Variants in ZNF564 observed in about 807,000 individuals in gnomAD.
The protein encoded by ZNF564 is zinc finger protein 564.
A neutral mutation model predicts 10.5 loss-of-function variants in ZNF564; 5 were observed. The ratio of observed to expected loss-of-function variants is 0.48; its 90% confidence interval spans 0.25 to 1.00. The LOEUF is 1.00. Ranked by LOEUF, ZNF564 falls within the 50% of genes least tolerant of loss-of-function variation. ZNF564 has a pLI of 0.16. For missense variants in ZNF564, 603 were observed against 669.7 expected (o/e 0.90, Z 1.10); for synonymous variants, 242 against 218.1 (o/e 1.11, Z -0.97).
chr19:12,528,672 C>G lies in ZNF564; in HGVS notation c.28G>C (p.Ala10Pro), dbSNP rs188730901. 5 of 1,612,704 alleles carry G rather than the reference C, an allele frequency of 3.1e-6. No homozygotes were observed. The highest frequency in any genetic ancestry group is 1.3e-5 in the African/African-American group (1 of 74,782). The change falls in exon 2 of 4, where the codon GCT (alanine) becomes CCT (proline). Residue 10 changes from alanine to proline, a missense_variant. Ala to Pro is a conservative substitution (Grantham distance 27, BLOSUM62 -1). Transcript: ENST00000339282. MDSVASEDVAVNFTLEEWAL... is the reference protein window; with the variant it reads MDSVASEDVPVNFTLEEWAL... ...CACTCCTCAAGTGTGAAGTTCACAG[C>G]CACATCCTCAGAGGCCACTGAGTCC...
At chr19:12,537,185 C>A (rs909634025) in intron 1 of ZNF564, among the ~76,000 whole-genome samples, 4 of 152,164 alleles carry the variant, frequency 2.6e-5, no homozygotes, top group Admixed American at 2.6e-4. Context: ...GGATATTACA[C>A]ATTTTCTTTA....
chr19:12,551,261 ACAGCCGGTTC>A (rs1285379473), intron 1 of ZNF564, 59 bp downstream of exon 1: 1 of 1,551,458 alleles, frequency 6.4e-7, no homozygotes, highest in African/African-American at 1.4e-5. Context: ...GGGTGCTTCC[ACAGCCGGTTC>A]CGGCCGGTTC....
chr19:12,548,024 TG>T, intron 1 of ZNF564: 1 of 278,786 alleles, frequency 3.6e-6, no homozygotes, highest in Non-Finnish European at 5.4e-6. Context: ...TTGGTCAGGC[TG>T]GTCTCAAACT....
chr19:12,537,881 C>CT (rs1158592830), intron 1 of ZNF564, among the ~76,000 whole-genome samples: 1 of 152,036 alleles, frequency 6.6e-6, no homozygotes, highest in Non-Finnish European at 1.5e-5. Context: ...TTTATTACTT[C>CT]TAAGTGCGTG....
In ZNF564 at chr19:12,526,188, A is replaced by T. The variant is rs1365066404; in HGVS notation, c.*258T>A. On this transcript the variant is annotated 3_prime_UTR_variant, in exon 4 of 4. Transcript: ENST00000339282. ...GTTTAAACTCAAACTCCAAAGTGTC[A>T]TCTCAATATCACATCACTCAGATAT... is the stretch of plus-strand genomic sequence containing the variant. 2.9e-6 allele frequency: 1 copy of T among 349,646 alleles called. No individual in the cohort carries two copies. The highest frequency in any genetic ancestry group is 2.1e-5 in the African/African-American group (1 of 47,522). 21.7% of individuals were successfully genotyped at this position (349,646 alleles called of 1,614,324 possible).
At position 12,528,333 on chromosome 19, in the gene ZNF564, A is replaced by C. The variant is rs1329658999; in HGVS notation, c.162T>G (p.Asp54Glu). 1.2e-6 allele frequency: 2 copies of C among 1,610,958 alleles called. No individual in the cohort carries two copies. Among genetic ancestry groups the C allele is most frequent in the Non-Finnish European group, 8.5e-7 (1 of 1,179,352 alleles). ...GKKWEDQSIE[D>E]WYKNQGRILR... ...AAATTCTCCCCTGATTTTTGTACCA[A>C]TCTTCAATGCTCTGGTCTTCCCATT... The change falls in exon 3 of 4, where the codon GAT becomes GAG. Residue 54 changes from aspartate (D) to glutamate (E), a missense_variant. By Grantham distance (45) the Asp-to-Glu change is conservative. Transcript: ENST00000339282.
intron 1 of ZNF564, 78 bp downstream of exon 1, chr19:12,551,252 G>A (rs1204330375): frequency 2.7e-6 from 4 of 1,506,032 alleles, no homozygotes; most frequent in South Asian, 1.2e-5. Context: ...GGGAGGCCAG[G>A]GTGCTTCCAC....
At chr19:12,543,668 C>A (rs1405798947) in intron 1 of ZNF564, among the ~76,000 whole-genome samples, 9 of 105,294 alleles carry the variant, frequency 8.5e-5, no homozygotes, top group Non-Finnish European at 1.5e-4. Flanking sequence ...AGCGAGACTT[C>A]GTCTCAAAAA....
At position 12,527,853 on chromosome 19, in the gene ZNF564, A is replaced by G; in HGVS notation, c.255T>C (p.Ser85=). 6.2e-7 allele frequency: 1 copy of G among 1,614,004 alleles called. No individual in the cohort carries two copies. The highest frequency in any genetic ancestry group is 8.5e-7 in the Non-Finnish European group (1 of 1,179,914). ...KEYDQCGEAF[S]QILNLNLNKK... Reference sequence around the variant, plus strand: ...TGTTCAGATTAAGATTGAGAATCTGACTGAAGGCTTCTCCACATTGATCAT... The same window carrying G: ...TGTTCAGATTAAGATTGAGAATCTGGCTGAAGGCTTCTCCACATTGATCAT... Residue 85 remains serine, a synonymous_variant, in exon 4 of 4, where the codon AGT becomes AGC. Coordinates refer to ENST00000339282, the MANE Select transcript of ZNF564 (RefSeq NM_144976.4).
intron 1 of ZNF564, among the ~76,000 whole-genome samples, chr19:12,539,075 C>T (rs991765481): frequency 6.9e-6 from 1 of 145,110 alleles, no homozygotes; most frequent in Non-Finnish European, 1.5e-5. Context: ...TAAAAAAATT[C>T]AAAAAAAAAT....
intron 1 of ZNF564, among the ~76,000 whole-genome samples, chr19:12,543,910 T>C (rs1405510718): frequency 6.6e-6 from 1 of 152,014 alleles, no homozygotes; most frequent in African/African-American, 2.4e-5. Context: ...ATTAGCACCT[T>C]TAGAAGAAAT....
chr19:12,528,980 G>A (rs1367467493), intron 1 of ZNF564, among the ~76,000 whole-genome samples: 5 of 152,210 alleles, frequency 3.3e-5, no homozygotes, highest in South Asian at 4.2e-4. Flanking sequence ...CAGGGGAATC[G>A]CTTAAACAAG....
At chr19:12,541,880 T>C (rs2022058105) in intron 1 of ZNF564, among the ~76,000 whole-genome samples, 1 of 151,504 alleles carries the variant, frequency 6.6e-6, no homozygotes, top group Non-Finnish European at 1.5e-5. Context: ...CTGGGCGTAG[T>C]GGCAGGCACC....
At chr19:12,540,624 G>A (rs1279313151) in intron 1 of ZNF564, among the ~76,000 whole-genome samples, 1 of 152,120 alleles carries the variant, frequency 6.6e-6, no homozygotes, top group Non-Finnish European at 1.5e-5. Context: ...GGAGGCCAAG[G>A]CGGGCAGATC....
At chr19:12,543,659 G>T (rs73002312) in intron 1 of ZNF564, among the ~76,000 whole-genome samples, 8,276 of 130,492 alleles carry the variant, frequency 0.063, 280 homozygotes, top group African/African-American at 0.11. Flanking sequence ...GGGCAACAAA[G>T]CGAGACTTCG....
Position 12,551,319 on chromosome 19 carries a change from C to G in ZNF564, c.3+11G>C, listed in dbSNP as rs944902973. On this transcript the variant is annotated intron_variant, in intron 1 of 3. Transcript: ENST00000339282. The stretch of plus-strand genomic sequence containing the variant: ...CCCCCAGTCTCCAGGCGCCCGGCCC[C>G]GCACACGCACCATTTCCTGGCTTCC... 8.7e-6 allele frequency: 14 copies of G among 1,607,438 alleles called. No homozygotes were observed. The highest frequency in any genetic ancestry group is 1.7e-4 in the Middle Eastern group (1 of 5,958).
chr19:12,528,453 C>A, intron 2 of ZNF564, 89 bp from the exon 3 acceptor site: 1 of 1,575,552 alleles, frequency 6.3e-7, no homozygotes, highest in Non-Finnish European at 8.6e-7. Flanking sequence ...GTGCAAACAA[C>A]CCTGATTTAT....
At chr19:12,547,399 G>A (rs1336177543) in intron 1 of ZNF564, among the ~76,000 whole-genome samples, 1 of 152,082 alleles carries the variant, frequency 6.6e-6, no homozygotes, top group Non-Finnish European at 1.5e-5. Flanking sequence ...TGCAGATCTT[G>A]TATCTACTGC....
chr19:12,548,631 C>T (rs1163839313), intron 1 of ZNF564: 6 of 558,108 alleles, frequency 1.1e-5, no homozygotes, highest in Admixed American at 3.0e-5. Flanking sequence ...TCAGCCATCG[C>T]GGCTGGCAAG....
Sources: gnomAD v4.1 joint callset for allele counts (sites outside exome capture counted in the v4.1 genomes callset) on GRCh38, gnomAD v4.1.1 for gene constraint, MANE v1.5 for transcripts, NCBI Gene and HGNC (gene_info 2026-07-23, HGNC 2026-07-21) for gene names.